The following CD74 variants were observed in gnomAD, a reference collection of about 807,000 sequenced individuals.
CD74 encodes the protein HLA class II histocompatibility antigen gamma chain.
In CD74, 20 loss-of-function variants were observed where a neutral mutation model predicts 37.1. The observed-to-expected ratio is 0.54, with a 90% CI of 0.38 to 0.78. CD74 has a LOEUF of 0.78. Among genes scored for constraint, CD74 ranks in the 30% least tolerant of loss-of-function variants. The pLI is 0.00. For missense variants in CD74, 338 were observed against 389.5 expected, an observed-to-expected ratio of 0.87 and a Z score of 1.11; for synonymous variants, 150 against 152.0, an observed-to-expected ratio of 0.99 and a Z score of 0.10.
rs1403167055 is a variant in CD74 at position 150,401,782 on chromosome 5, A to G, written c.*458T>C. On this transcript the variant is annotated 3_prime_UTR_variant, in exon 9 of 9. Transcript: ENST00000009530. ...CTTCCTTGGGGAGTGATGCTGGGGA[A>G]AGGGAAGAGAGTGGCTCAGCCTGCA... 1.6e-6 allele frequency: 1 copy of G among 606,772 alleles called. No homozygotes were observed. The highest frequency in any genetic ancestry group is 2.0e-5 in the South Asian group (1 of 51,140). 37.6% of individuals were successfully genotyped at this position (606,772 alleles called of 1,614,324 possible). A position where few individuals can be genotyped will look rare whatever the true frequency, so the allele number is the denominator to read the frequency against.
chr5:150,403,390 ACAC>A lies in CD74; in HGVS notation c.626-81_626-79del. The A allele has an allele frequency of 1.6e-6, 2 of 1,275,730 alleles. No individual in the cohort carries two copies. Among genetic ancestry groups the A allele is most frequent in the Non-Finnish European group, 2.3e-6 (2 of 877,524 alleles). 79.0% of individuals were successfully genotyped at this position (1,275,730 alleles called of 1,614,324 possible). A position where few individuals can be genotyped will look rare whatever the true frequency, so the allele number is the denominator to read the frequency against. ...GGTCTGAGCAGAGCTAAAGACCCAC[ACAC>A]CACTGCTGTGGGCTTAATGCCTTCT... is the stretch of plus-strand genomic sequence containing the variant. On this transcript the variant is annotated intron_variant, in intron 6 of 8. Coordinates refer to ENST00000009530, the MANE Select transcript of CD74 (RefSeq NM_001025159.3). The surrounding 1 kb of genome is among the most constrained non-coding windows in gnomAD (Gnocchi z 4.5).
At position 150,412,618 on chromosome 5, in the gene CD74, C is replaced by T. The variant is rs373360044; in HGVS notation, c.125+7G>A. ...TCGGTGTGCCCTTTCCTGGTGCTCA[C>T]ACATACCTCTCCGGGGCCCCAGGGC... On this transcript the variant is annotated splice_region_variant and intron_variant, in intron 1 of 8. Transcript: ENST00000009530. 32 of 1,606,814 alleles carry T rather than the reference C, an allele frequency of 2.0e-5. No homozygotes were observed. In the African/African-American group the frequency reaches 2.0e-4, roughly 10 times the overall value.
intron 1 of CD74, among the ~76,000 whole-genome samples, chr5:150,410,101 A>C (rs1159366149): frequency 6.6e-6 from 1 of 151,912 alleles, no homozygotes; most frequent in Non-Finnish European, 1.5e-5. Context: ...GAGACCAGAC[A>C]GGAAGGGAAA....
rs1465842872 is a variant in CD74, at chr5:150,403,204, C to T, written c.734G>A (p.Gly245Glu). The change falls in exon 7 of 9, where the codon GGG becomes GAG. Residue 245 changes from glycine to glutamate, a missense_variant. Transcript: ENST00000009530. The surrounding 1 kb of genome is among the most constrained non-coding windows in gnomAD (Gnocchi z 4.5). ...NGNYLPLQCYGSIGYCWCVFP... is the reference protein window; with the variant it reads ...NGNYLPLQCYESIGYCWCVFP... ...GACACACCAGCAGTAGCCGATGCTC[C>T]CATAGCACTGGAGTGGCAGATAGTT... is the stretch of plus-strand genomic sequence containing the variant. 19 of 1,613,930 alleles carry T rather than the reference C, an allele frequency of 1.2e-5. No individual in the cohort carries two copies. The highest frequency in any genetic ancestry group is 1.5e-5 in the Non-Finnish European group (18 of 1,179,912).
Position 150,412,741 on chromosome 5 carries a change from C to T in CD74, c.9G>A (p.Arg3=), listed in dbSNP as rs750068714. 2 of 1,614,068 alleles carry T rather than the reference C, an allele frequency of 1.2e-6. No homozygotes were observed. Among genetic ancestry groups the T allele is most frequent in the Non-Finnish European group, 8.5e-7 (1 of 1,179,954 alleles). The part of the protein sequence containing the change: MH[R]RRSRSCREDQ... ...CTTCCCGACAGCTCCTGCTTCTCCT[C>T]CTGTGCATCTGGGACCCTGACCCCC... Residue 3 remains arginine, a synonymous_variant, in exon 1 of 9, where the codon AGG becomes AGA. Transcript: ENST00000009530.
chr5:150,412,231 C>G (rs1770383960), intron 1 of CD74, among the ~76,000 whole-genome samples: 2 of 152,346 alleles, frequency 1.3e-5, no homozygotes, highest in Admixed American at 1.3e-4. Flanking sequence ...TCCCAAAGTG[C>G]TGGGATTACA....
rs779483916 is a variant in CD74, at chr5:150,412,649, C to G, written c.101G>C (p.Gly34Ala). 1 of 1,613,596 alleles carries G rather than the reference C, an allele frequency of 6.2e-7. No individual in the cohort carries two copies. The highest frequency in any genetic ancestry group is 1.3e-5 in the African/African-American group (1 of 74,930). ...CCTCTCCGGGGCCCCAGGGCGCCGG[C>G]CCAGCATGGGCAGTTGCTCATTGTT... ...ISNNEQLPMLGRRPGAPESKC... is the reference protein window; with the variant it reads ...ISNNEQLPMLARRPGAPESKC... The change falls in exon 1 of 9, where the codon GGC (glycine) becomes GCC (alanine). Residue 34 changes from glycine (G) to alanine (A), a missense_variant. Coordinates refer to ENST00000009530, the MANE Select transcript of CD74 (RefSeq NM_001025159.3).
intron 1 of CD74, among the ~76,000 whole-genome samples, chr5:150,409,704 C>CAAAAAAAAAAA (rs755621804): frequency 2.0e-4 from 18 of 89,530 alleles, no homozygotes; most frequent in African/African-American, 2.6e-4. Context: ...AAAAACATAA[C>CAAAAAAAAAAA]AAAAAAAAAA....
chr5:150,410,811 C>G (rs1455760533), intron 1 of CD74, among the ~76,000 whole-genome samples: 1 of 152,082 alleles, frequency 6.6e-6, no homozygotes, highest in Non-Finnish European at 1.5e-5. Context: ...CCTAAGCACA[C>G]ATAGCCAGCT....
intron 6 of CD74, 187 bp downstream of exon 6, chr5:150,404,493 G>T (rs1210546659): frequency 1.7e-6 from 1 of 578,934 alleles, no homozygotes; most frequent in Non-Finnish European, 3.1e-6. Context: ...GGTCAGGGGA[G>T]GGGGACAGCC....
chr5:150,407,350 AGAG>A lies in CD74; in HGVS notation c.126-29_126-27del. The stretch of plus-strand genomic sequence containing the variant: ...CTGTGGGAGGTGGGGAGGATAGGTC[AGAG>A]GAGGATCCACAGTGGTGGCTGCCCC... On this transcript the variant is annotated intron_variant, in intron 1 of 8. Transcript: ENST00000009530. This position sits in a 1 kb window ranked among gnomAD's most constrained non-coding sequence, Gnocchi z 4.4. 1 of 1,582,686 alleles carries A rather than the reference AGAG, an allele frequency of 6.3e-7. No homozygotes were observed. Among genetic ancestry groups the A allele is most frequent in the Non-Finnish European group, 8.6e-7 (1 of 1,163,854 alleles).
intron 4 of CD74, chr5:150,405,713 A>G (rs1769917820): frequency 6.3e-6 from 1 of 157,706 alleles, no homozygotes; most frequent in African/African-American, 2.4e-5. Context: ...GGGGAGAAAA[A>G]AAGGGTGTCT....
Position 150,407,477 on chromosome 5 carries a change from G to T in CD74, c.126-153C>A, listed in dbSNP as rs948741745. On this transcript the variant is annotated intron_variant, in intron 1 of 8. Coordinates refer to ENST00000009530, the MANE Select transcript of CD74 (RefSeq NM_001025159.3). This position sits in a 1 kb window ranked among gnomAD's most constrained non-coding sequence, Gnocchi z 4.4. ...GCATTTGAAGCACAAACAGTAAGCTGGCTATGGAAACACAGCTTGAAGACC... is the reference window on the plus strand; with the variant it reads ...GCATTTGAAGCACAAACAGTAAGCTTGCTATGGAAACACAGCTTGAAGACC... Among the ~76,000 whole-genome samples the T allele has an allele frequency of 1.7e-4, 26 of 152,102 alleles. No individual in the cohort carries two copies. The highest frequency in any genetic ancestry group is 5.6e-4 in the African/African-American group (23 of 41,400).
Position 150,403,263 on chromosome 5 carries a change from C to T in CD74, c.675G>A (p.Pro225=), listed in dbSNP as rs371187783. 1.1e-5 allele frequency: 18 copies of T among 1,613,878 alleles called. No individual in the cohort carries two copies. The highest frequency in any genetic ancestry group is 4.5e-5 in the East Asian group (2 of 44,898). ...EEVSHIPAVH[P]GSFRPKCDEN... ...CGTCGCACTTGGGCCTGAATGAACC[C>T]GGGTGGACAGCAGGGATGTGGCTGA... The change falls in exon 7 of 9, where the codon CCG becomes CCA. Residue 225 remains proline, a synonymous_variant. Coordinates refer to ENST00000009530, the MANE Select transcript of CD74 (RefSeq NM_001025159.3). The surrounding 1 kb of genome is among the most constrained non-coding windows in gnomAD (Gnocchi z 4.5).
chr5:150,407,179 C>T lies in CD74; in HGVS notation c.271G>A (p.Glu91Lys), dbSNP rs1439293522. 2 of 1,613,824 alleles carry T rather than the reference C, an allele frequency of 1.2e-6. No homozygotes were observed. The highest frequency in any genetic ancestry group is 1.7e-6 in the Non-Finnish European group (2 of 1,179,936). The part of the protein sequence containing the change: ...LTVTSQNLQL[E>K]NLRMKLPKPP... ...TTGGGAAGCTTCATGCGCAGGTTCT[C>T]CAGCTGCAGGTTCTGGGAGGTGACT... is the stretch of plus-strand genomic sequence containing the variant. Residue 91 changes from glutamate (E) to lysine (K), a missense_variant, in exon 2 of 9, where the codon GAG (glutamate) becomes AAG (lysine). Glu to Lys is a moderately conservative substitution (Grantham distance 56, BLOSUM62 1). Transcript: ENST00000009530. This position sits in a 1 kb window ranked among gnomAD's most constrained non-coding sequence, Gnocchi z 4.4.
chr5:150,406,689 G>A (rs1463391697), intron 3 of CD74, 192 bp downstream of exon 3: 17 of 588,664 alleles, frequency 2.9e-5, no homozygotes, highest in Non-Finnish European at 5.2e-5. Flanking sequence ...TCCCAGGGAT[G>A]GCACCAAGAG....
In CD74 at chr5:150,406,336, A is replaced by T; in HGVS notation, c.379-15T>A. ...TTCTGCATGGGCTGTGGGAGGAAGT[A>T]ACAGAAGGTTACCAGAGCTGGTCCC... On this transcript the variant is annotated splice_polypyrimidine_tract_variant and intron_variant, in intron 3 of 8. Coordinates refer to ENST00000009530, the MANE Select transcript of CD74 (RefSeq NM_001025159.3). 6.2e-7 allele frequency: 1 copy of T among 1,610,960 alleles called. No homozygotes were observed. The highest frequency in any genetic ancestry group is 2.2e-5 in the East Asian group (1 of 44,850).
chr5:150,407,078 G>A lies in CD74; in HGVS notation c.298+74C>T. ...AGGGAGAGGACAGTGGGCCCAGCTG[G>A]GTGCAGGGATGCGGGTCTCTGAGTT... On this transcript the variant is annotated intron_variant, in intron 2 of 8. Coordinates refer to ENST00000009530, the MANE Select transcript of CD74 (RefSeq NM_001025159.3). This position sits in a 1 kb window ranked among gnomAD's most constrained non-coding sequence, Gnocchi z 4.4. 1 of 1,554,570 alleles carries A rather than the reference G, an allele frequency of 6.4e-7. No individual in the cohort carries two copies. Among genetic ancestry groups the A allele is most frequent in the Non-Finnish European group, 8.8e-7 (1 of 1,132,036 alleles).
chr5:150,408,833 G>T (rs189243162), intron 1 of CD74, among the ~76,000 whole-genome samples: 1 of 152,204 alleles, frequency 6.6e-6, no homozygotes, highest in African/African-American at 2.4e-5. Flanking sequence ...TCTCCCTCAC[G>T]AATGGGATTA....
Sources: gnomAD v4.1 joint callset for allele counts (sites outside exome capture counted in the v4.1 genomes callset) on GRCh38, gnomAD v4.1.1 for gene constraint, Gnocchi (gnomAD v3.1) non-coding constraint, MANE v1.5 for transcripts, NCBI Gene and HGNC (gene_info 2026-07-23, HGNC 2026-07-21) for gene names.